The following SYNE2 variants were observed in gnomAD, a reference collection of about 807,000 sequenced individuals.
SYNE2 encodes spectrin repeat containing nuclear envelope protein 2.
A neutral mutation model predicts 856.3 loss-of-function variants in SYNE2; 431 were observed. The ratio of observed to expected loss-of-function variants is 0.50; its 90% confidence interval spans 0.47 to 0.55. SYNE2 has a LOEUF of 0.55. Ranked by LOEUF, SYNE2 falls within the 20% of genes least tolerant of loss-of-function variation. The pLI, the probability that SYNE2 is intolerant of heterozygous loss-of-function variation, is 0.00. For synonymous variants in SYNE2, 2,923 were observed against 2,872.3 expected, an observed-to-expected ratio of 1.02 and a Z score of -0.56; for missense variants, 8,129 against 8,023.2, an observed-to-expected ratio of 1.01 and a Z score of -0.50.
chr14:64,186,332 C>A (rs2098490646), intron 96 of SYNE2, 92 bp from the exon 97 acceptor site: 4 of 1,550,106 alleles, frequency 2.6e-6, no homozygotes, highest in South Asian at 2.2e-5. Context: ...CTCCCCTCCC[C>A]CAGAGTCTAA....
chr14:63,926,790 A>T (rs2095671774), intron 2 of SYNE2, among the ~76,000 whole-genome samples: 1 of 152,206 alleles, frequency 6.6e-6, no homozygotes, highest in South Asian at 2.1e-4. Context: ...CAGTGTTCTT[A>T]ACCTTGTCAT....
chr14:63,931,561 A>AAAG (rs1555384283), intron 2 of SYNE2, among the ~76,000 whole-genome samples: 4,084 of 150,866 alleles, frequency 0.027, 209 homozygotes, highest in African/African-American at 0.095. Flanking sequence ...AAAAAAAAAA[A>AAAG]AAAGAAAGAA....
intron 83 of SYNE2, among the ~76,000 whole-genome samples, 159 bp downstream of exon 83, chr14:64,144,107 T>A (rs2098162660): frequency 1.3e-5 from 2 of 152,210 alleles, no homozygotes; most frequent in South Asian, 4.1e-4. Context: ...CATTCTCCAT[T>A]GGTACCTATA....
rs1301958958 is a variant in SYNE2, at chr14:64,000,564, C to A, written c.3483C>A (p.Val1161=). ...CLQAKLTDLQ[V]IKNETDARWK... ...ATTAATTTATGTGTTCCATCTAGGT[C>A]ATAAAAAATGAAACTGATGCTCGCT... Residue 1161 remains valine (V), a splice_region_variant and synonymous_variant, in exon 28 of 116, where the codon GTC becomes GTA. Transcript: ENST00000555002. 3 of 1,612,216 alleles carry A rather than the reference C, an allele frequency of 1.9e-6. No homozygotes were observed. The highest frequency in any genetic ancestry group is 1.1e-5 in the South Asian group (1 of 90,906).
chr14:64,037,133 C>CT (rs757996897), intron 45 of SYNE2, among the ~76,000 whole-genome samples: 3,473 of 138,140 alleles, frequency 0.025, 128 homozygotes, highest in African/African-American at 0.081. Context: ...ACTGTCTCCT[C>CT]TTTTTTTTTT....
chr14:64,167,147 C>T (rs2098384499), intron 90 of SYNE2, 86 bp from the exon 91 acceptor site: 2 of 1,579,958 alleles, frequency 1.3e-6, no homozygotes, highest in Non-Finnish European at 8.7e-7. Context: ...CCCAGTTTTC[C>T]TTTATCTTTG....
intron 1 of SYNE2, among the ~76,000 whole-genome samples, chr14:63,782,467 CAAAA>C (rs35413633): frequency 5.2e-3 from 256 of 49,618 alleles, no homozygotes; most frequent in Non-Finnish European, 6.9e-3. Context: ...AACTCCATCT[CAAAA>C]AAAAAAAAAA....
chr14:64,213,084 A>C, intron 105 of SYNE2, 79 bp downstream of exon 105: 1 of 1,459,400 alleles, frequency 6.9e-7, no homozygotes, highest in Admixed American at 1.7e-5. Context: ...GAATTAGGGG[A>C]CCTGTCTTAT....
chr14:63,992,589 C>T (rs1765688689), intron 21 of SYNE2, among the ~76,000 whole-genome samples: 1 of 152,130 alleles, frequency 6.6e-6, no homozygotes, highest in South Asian at 2.1e-4. Context: ...CTTCTTGGCT[C>T]CTTTACCAGA....
intron 92 of SYNE2, 57 bp downstream of exon 92, chr14:64,167,696 A>T: frequency 6.2e-7 from 1 of 1,611,888 alleles, no homozygotes; most frequent in Non-Finnish European, 8.5e-7. Flanking sequence ...GAGTCAGGGA[A>T]AGATAGCTTT....
At chr14:64,108,793 G>A (rs1199241380) in intron 65 of SYNE2, among the ~76,000 whole-genome samples, 1 of 150,522 alleles carries the variant, frequency 6.6e-6, no homozygotes, top group Non-Finnish European at 1.5e-5. Flanking sequence ...GTGGACAAAT[G>A]TCAGAGGTTT....
chr14:64,078,941 A>C (rs1345382201), intron 55 of SYNE2, among the ~76,000 whole-genome samples: 1 of 152,150 alleles, frequency 6.6e-6, no homozygotes, highest in African/African-American at 2.4e-5. Context: ...GTGTGGTGGC[A>C]CAAGACTGCA....
At chr14:64,159,922 C>G (rs1320630507) in intron 87 of SYNE2, among the ~76,000 whole-genome samples, 1 of 152,122 alleles carries the variant, frequency 6.6e-6, no homozygotes, top group African/African-American at 2.4e-5. Flanking sequence ...ATGAAAGCTC[C>G]CTTTAAGGAG....
chr14:64,100,045 G>A (rs907833833), intron 63 of SYNE2: 2 of 151,948 alleles, frequency 1.3e-5, no homozygotes, highest in South Asian at 2.1e-4. Context: ...GTTTACTGCG[G>A]CATTATTCAC....
intron 99 of SYNE2, among the ~76,000 whole-genome samples, chr14:64,198,216 C>A (rs2098548016): frequency 6.6e-6 from 1 of 152,184 alleles, no homozygotes; most frequent in Non-Finnish European, 1.5e-5. Context: ...GGCAGCAAAG[C>A]GCTCAGGTGG....
chr14:64,076,167 A>C, intron 54 of SYNE2, 67 bp downstream of exon 54: 24 of 1,546,338 alleles, frequency 1.6e-5, no homozygotes, highest in African/African-American at 2.7e-5. Flanking sequence ...GGAAAATATC[A>C]TTTAATGTCA....
At chr14:63,916,273 C>T (rs571524318) in intron 2 of SYNE2, among the ~76,000 whole-genome samples, 39 of 152,244 alleles carry the variant, frequency 2.6e-4, no homozygotes, top group African/African-American at 6.5e-4. Context: ...GAATAAAAAA[C>T]GTACTGTATA....
intron 12 of SYNE2, 90 bp downstream of exon 12, chr14:63,976,817 G>T: frequency 7.3e-7 from 1 of 1,372,624 alleles, no homozygotes; most frequent in Non-Finnish European, 1.0e-6. Context: ...AGAAGAGAAG[G>T]ATAATAGTGG....
chr14:64,004,971 G>T (rs546307763), intron 30 of SYNE2, among the ~76,000 whole-genome samples: 1 of 152,176 alleles, frequency 6.6e-6, no homozygotes, highest in African/African-American at 2.4e-5. Flanking sequence ...TGAGAAGGTG[G>T]CCTTGGCATC....
Sources: gnomAD v4.1 joint callset for allele counts (sites outside exome capture counted in the v4.1 genomes callset) on GRCh38, gnomAD v4.1.1 for gene constraint, MANE v1.5 for transcripts, NCBI Gene and HGNC (gene_info 2026-07-23, HGNC 2026-07-21) for gene names.